CYP20A1: variants seen among roughly 807,000 people sequenced by gnomAD.
CYP20A1 encodes the protein cytochrome P450 family 20 subfamily A member 1, also known as cytochrome P450 20A1.
CYP20A1 carries 61 observed loss-of-function variants against 61.4 expected under a neutral mutation model. The ratio of observed to expected loss-of-function variants is 0.99; its 90% CI spans 0.81 to 1.23. The LOEUF is 1.23. Among genes scored for constraint, CYP20A1 ranks in the 50% most tolerant of loss-of-function variants. The pLI is 0.00. For missense variants in CYP20A1, 530 were observed against 542.4 expected, an observed-to-expected ratio of 0.98 and a Z score of 0.23; for synonymous variants, 193 against 188.2, an observed-to-expected ratio of 1.03 and a Z score of -0.21.
intron 10 of CYP20A1, among the ~76,000 whole-genome samples, chr2:203,291,396 T>C (rs1221707466): frequency 6.6e-6 from 1 of 152,250 alleles, no homozygotes; most frequent in African/African-American, 2.4e-5. Context: ...AGCAACAATG[T>C]ATGAGAATGT....
At chr2:203,245,477 T>G (rs1203722859) in intron 1 of CYP20A1, among the ~76,000 whole-genome samples, 5 of 151,962 alleles carry the variant, frequency 3.3e-5, no homozygotes, top group Non-Finnish European at 7.4e-5. Context: ...CTAGTACCCA[T>G]TAGTTGTTTT....
intron 9 of CYP20A1, 59 bp downstream of exon 9, chr2:203,285,791 A>T: frequency 7.1e-7 from 1 of 1,400,026 alleles, no homozygotes; most frequent in Non-Finnish European, 9.4e-7. Flanking sequence ...GGTTTATCTA[A>T]TTTAAAGCTA....
At chr2:203,281,926 A>G (rs916877585) in intron 8 of CYP20A1, among the ~76,000 whole-genome samples, 5 of 152,222 alleles carry the variant, frequency 3.3e-5, no homozygotes, top group Admixed American at 6.5e-5. Flanking sequence ...AAAGGATACA[A>G]ATGTAAACGT....
chr2:203,294,211 A>G (rs1421100049), intron 11 of CYP20A1, among the ~76,000 whole-genome samples: 1 of 151,792 alleles, frequency 6.6e-6, no homozygotes. Context: ...ATCTCGCTCT[A>G]TTGCCAGGCT....
intron 4 of CYP20A1, among the ~76,000 whole-genome samples, chr2:203,258,103 A>G (rs930203209): frequency 2.5e-5 from 3 of 120,070 alleles, no homozygotes; most frequent in Non-Finnish European, 5.9e-5. Flanking sequence ...CGGTCACACT[A>G]TATTTCCTAT....
chr2:203,239,133 C>G lies in CYP20A1; in HGVS notation c.71C>G (p.Pro24Arg). 1 of 1,612,640 alleles carries G rather than the reference C, an allele frequency of 6.2e-7. No individual in the cohort carries two copies. The highest frequency in any genetic ancestry group is 8.5e-7 in the Non-Finnish European group (1 of 1,179,352). The change falls in exon 1 of 13, where the codon CCG becomes CGG. Residue 24 changes from proline to arginine, a missense_variant and splice_region_variant. Transcript: ENST00000356079. ...GTGGGAGCCGTGCTCTACCTCTATC[C>G]GGTGAGCGCCGTCTTGGCTCTCTGG... Reference protein sequence around the residue: ...ALVGAVLYLYPASRQAAGIPG... With the variant: ...ALVGAVLYLYRASRQAAGIPG...
chr2:203,294,856 A>G (rs576619389), intron 11 of CYP20A1, among the ~76,000 whole-genome samples: 39 of 150,132 alleles, frequency 2.6e-4, no homozygotes, highest in Admixed American at 6.7e-4. Flanking sequence ...GATGGTCTCA[A>G]TCTTTTGACC....
At chr2:203,266,819 A>G (rs2067342553) in intron 5 of CYP20A1, 138 bp downstream of exon 5, 1 of 668,644 alleles carries the variant, frequency 1.5e-6, no homozygotes, top group Non-Finnish European at 2.5e-6. Flanking sequence ...TGTCTCTACT[A>G]AAAATACAAA....
chr2:203,285,214 T>A (rs2152102205), intron 8 of CYP20A1, among the ~76,000 whole-genome samples: 1 of 152,298 alleles, frequency 6.6e-6, no homozygotes, highest in South Asian at 2.1e-4. Context: ...TTAGTGCTCC[T>A]AAGTGAACTG....
intron 5 of CYP20A1, among the ~76,000 whole-genome samples, chr2:203,270,486 A>G (rs1449039721): frequency 6.6e-6 from 1 of 151,706 alleles, no homozygotes; most frequent in Non-Finnish European, 1.5e-5. Flanking sequence ...CTATATTTCT[A>G]TTTTTGTGTT....
At chr2:203,293,556 C>T (rs2152112349) in intron 11 of CYP20A1, among the ~76,000 whole-genome samples, 1 of 143,612 alleles carries the variant, frequency 7.0e-6, no homozygotes, top group African/African-American at 2.5e-5. Flanking sequence ...TATTGCTTCT[C>T]TTTTTGCTTT....
intron 5 of CYP20A1, among the ~76,000 whole-genome samples, chr2:203,272,416 A>G (rs1272588537): frequency 6.6e-6 from 1 of 151,756 alleles, no homozygotes; most frequent in Non-Finnish European, 1.5e-5. Flanking sequence ...GTGGCACACA[A>G]CTGTAGTCCC....
At position 203,246,758 on chromosome 2, in the gene CYP20A1, T is replaced by C. The variant is rs765814940; in HGVS notation, c.126T>C (p.Asp42=). 6.8e-6 allele frequency: 11 copies of C among 1,608,870 alleles called. No homozygotes were observed. The South Asian group carries it at 9.0e-5, about 13-fold the overall frequency. The change falls in exon 3 of 13, where the codon GAT becomes GAC. Residue 42 remains aspartate, a synonymous_variant. Coordinates refer to ENST00000356079, the MANE Select transcript of CYP20A1 (RefSeq NM_177538.3). ...IPGITPTEEK[D]GNLPDIVNSG... ...TCAAATGTTGCTCTTTTGCCAGAGATGGTAATCTTCCAGATATTGTGAATA... is the reference window on the plus strand; with the variant it reads ...TCAAATGTTGCTCTTTTGCCAGAGACGGTAATCTTCCAGATATTGTGAATA...
chr2:203,252,208 C>T, intron 4 of CYP20A1, 99 bp downstream of exon 4: 1 of 900,416 alleles, frequency 1.1e-6, no homozygotes, highest in Non-Finnish European at 1.6e-6. Context: ...TCTTTTCTTT[C>T]CTGTCCCTCT....
chr2:203,293,878 T>C (rs1206988841), intron 11 of CYP20A1, among the ~76,000 whole-genome samples: 2 of 152,190 alleles, frequency 1.3e-5, no homozygotes, highest in Non-Finnish European at 2.9e-5. Context: ...GTTATTTGTT[T>C]TGTTTTTAAT....
intron 1 of CYP20A1, among the ~76,000 whole-genome samples, chr2:203,239,834 T>A (rs1255784781): frequency 6.6e-6 from 1 of 152,056 alleles, no homozygotes; most frequent in East Asian, 1.9e-4. Flanking sequence ...GGACCGTCTT[T>A]AAAACCTGTT....
In CYP20A1 at chr2:203,246,841, C is replaced by T. The variant is rs776090472; in HGVS notation, c.209C>T (p.Ser70Phe). Residue 70 changes from serine to phenylalanine, a missense_variant, in exon 3 of 13, where the codon TCC (serine) becomes TTC (phenylalanine). Physicochemically the swap from Ser to Phe is radical, Grantham distance 155. Coordinates refer to ENST00000356079, the MANE Select transcript of CYP20A1 (RefSeq NM_177538.3). ...CATGAGAGATATGGGCCTGTGGTCTCCTTCTGGTTTGGCAGGCGCCTCGTG... is the reference window on the plus strand; with the variant it reads ...CATGAGAGATATGGGCCTGTGGTCTTCTTCTGGTTTGGCAGGCGCCTCGTG... ...NLHERYGPVV[S>F]FWFGRRLVVS... 6.2e-7 allele frequency: 1 copy of T among 1,614,100 alleles called. No individual in the cohort carries two copies. The highest frequency in any genetic ancestry group is 1.1e-5 in the South Asian group (1 of 91,084).
intron 8 of CYP20A1, among the ~76,000 whole-genome samples, chr2:203,283,647 C>T (rs1315874923): frequency 6.7e-6 from 1 of 150,070 alleles, no homozygotes; most frequent in East Asian, 2.0e-4. Flanking sequence ...CTCCCGGGTT[C>T]AAGCAATTCT....
At chr2:203,286,022 G>C (rs1412572252) in intron 9 of CYP20A1, among the ~76,000 whole-genome samples, 1 of 152,140 alleles carries the variant, frequency 6.6e-6, no homozygotes, top group African/African-American at 2.4e-5. Flanking sequence ...AATATAGTAG[G>C]CTTGACCGGG....
Sources: allele counts gnomAD v4.1 joint callset (sites outside exome capture counted in the v4.1 genomes callset), GRCh38; gene constraint gnomAD v4.1.1; transcripts MANE v1.5; gene names NCBI Gene and HGNC (gene_info 2026-07-23, HGNC 2026-07-21).